Variants in DHPS observed in about 807,000 individuals in gnomAD.
The protein encoded by DHPS is migration-inducing gene 13.
DHPS carries 24 observed loss-of-function variants against 38.7 expected under a neutral mutation model. The ratio of observed to expected loss-of-function variants is 0.62; its 90% CI spans 0.45 to 0.87. DHPS has a LOEUF of 0.87. DHPS is among the 40% of genes least tolerant of loss of function. The pLI is 0.00. For synonymous variants in DHPS, 250 were observed against 204.4 expected, an observed-to-expected ratio of 1.22 and a Z score of -1.90; for missense variants, 510 against 497.6, an observed-to-expected ratio of 1.02 and a Z score of -0.24.
chr19:12,675,369 C>G (rs145837175), downstream of DHPS, among the ~76,000 whole-genome samples: 725 of 152,260 alleles, frequency 4.8e-3, 3 homozygotes, highest in African/African-American at 0.016. Context: ...ATTAATTTTG[C>G]AGTGTCTAGG....
chr19:12,677,844 G>C (rs1311187173), intron 5 of DHPS, among the ~76,000 whole-genome samples: 1 of 151,822 alleles, frequency 6.6e-6, no homozygotes, highest in African/African-American at 2.4e-5. Flanking sequence ...GTTCCACCAT[G>C]TTGGCCAGGC....
chr19:12,676,236 T>C (rs2024583721), intron 7 of DHPS, 94 bp from the exon 8 acceptor site: 1 of 1,418,602 alleles, frequency 7.0e-7, no homozygotes, highest in Admixed American at 2.5e-5. Flanking sequence ...CTGAGAGGTG[T>C]GTCCCAGATG....
At chr19:12,678,675 G>A (rs905325132) in intron 5 of DHPS, among the ~76,000 whole-genome samples, 16 of 150,676 alleles carry the variant, frequency 1.1e-4, no homozygotes, top group African/African-American at 3.7e-4. Flanking sequence ...AGGGTGAGGC[G>A]GGAGAATCAC....
intron 2 of DHPS, 29 bp from the exon 3 acceptor site, chr19:12,679,951 C>A: frequency 6.2e-7 from 1 of 1,600,834 alleles, no homozygotes; most frequent in Non-Finnish European, 8.5e-7. Flanking sequence ...GAATTTGGCC[C>A]AAGAAGGAAG....
In DHPS at chr19:12,675,869, T is replaced by C. The variant is rs1439999534; in HGVS notation, c.1079A>G (p.Asp360Gly). ...CTCGTTCTTCTCATGCATGAAGGCA[T>C]CCATCTTCTGGGCAAAGGTTTCAGC... ...LVAETFAQKMDAFMHEKNED is the reference protein window; with the variant it reads ...LVAETFAQKMGAFMHEKNED The change falls in exon 9 of 9, where the codon GAT becomes GGT. Residue 360 changes from aspartate to glycine, a missense_variant. Transcript: ENST00000210060. 7 of 1,609,342 alleles carry C rather than the reference T, an allele frequency of 4.3e-6. No homozygotes were observed. Among genetic ancestry groups the C allele is most frequent in the East Asian group, 2.2e-5 (1 of 44,844 alleles).
Position 12,680,198 on chromosome 19 carries a change from A to T in DHPS, c.335T>A (p.Ile112Asn), listed in dbSNP as rs2024756104. ...CACAAGGTAGCGAATGGTCTCACGG[A>T]TGCCTGAACTGATGAGGTTGGATGT... ...GYTSNLISSG[I>N]RETIRYLVQH... The change falls in exon 2 of 9, where the codon ATC (isoleucine) becomes AAC (asparagine). Residue 112 changes from isoleucine to asparagine, a missense_variant. Physicochemically the swap from Ile to Asn is moderately radical, Grantham distance 149. Coordinates refer to ENST00000210060, the MANE Select transcript of DHPS (RefSeq NM_001930.4). The T allele has an allele frequency of 1.2e-6, 2 of 1,614,084 alleles. No homozygotes were observed. Among genetic ancestry groups the T allele is most frequent in the Admixed American group, 3.3e-5 (2 of 59,996 alleles).
At position 12,676,028 on chromosome 19, in the gene DHPS, G is replaced by C. The variant is rs1407586355; in HGVS notation, c.1003C>G (p.Gln335Glu). ...VSWGKIRVDA[Q>E]PVKVYADASL... ...CAGCCAGCGCTTACCTTGACGGGCT[G>C]TGCATCCACCCGGATCTTGCCCCAG... Residue 335 changes from glutamine to glutamate, a missense_variant, in exon 8 of 9, where the codon CAG becomes GAG. Physicochemically the swap from Gln to Glu is conservative, Grantham distance 29 (BLOSUM62 2). Transcript: ENST00000210060. 2 of 1,613,836 alleles carry C rather than the reference G, an allele frequency of 1.2e-6. No homozygotes were observed. Among genetic ancestry groups the C allele is most frequent in the Non-Finnish European group, 1.7e-6 (2 of 1,179,916 alleles).
intron 1 of DHPS, chr19:12,681,216 A>T (rs924400180): frequency 8.1e-7 from 1 of 1,234,966 alleles, no homozygotes; most frequent in Non-Finnish European, 1.0e-6. Context: ...TAAATTCAAG[A>T]ACCGCCCAGA....
chr19:12,680,417 C>T, intron 1 of DHPS, 92 bp from the exon 2 acceptor site: 7 of 1,398,492 alleles, frequency 5.0e-6, no homozygotes, highest in Non-Finnish European at 7.0e-6. Flanking sequence ...TCACCCCAGG[C>T]CCTGCACATT....
intron 7 of DHPS, 192 bp from the exon 8 acceptor site, chr19:12,676,334 T>A (rs1386007314): frequency 1.4e-6 from 1 of 717,880 alleles, no homozygotes; most frequent in Non-Finnish European, 2.2e-6. Context: ...GATGGCTGTG[T>A]TTCCCCAGAC....
At chr19:12,673,408 ATCTTT>A, downstream of DHPS, 24 of 266,020 alleles carry the variant, frequency 9.0e-5, no homozygotes, top group East Asian at 2.3e-4. Flanking sequence ...GAAGGCTAGG[ATCTTT>A]TTTTTTTTTT....
At chr19:12,680,981 G>A (rs951123008) in intron 1 of DHPS, 8 of 363,306 alleles carry the variant, frequency 2.2e-5, no homozygotes, top group African/African-American at 6.8e-5. Context: ...CTACAGGCGC[G>A]CAACACCATG....
chr19:12,675,561 G>C (rs763990317), downstream of DHPS: 2 of 1,606,332 alleles, frequency 1.2e-6, no homozygotes, highest in Non-Finnish European at 1.7e-6. Flanking sequence ...GTTCCGGTGT[G>C]GTGCAGTCGC....
downstream of DHPS, chr19:12,672,531 C>G (rs1277872732): frequency 5.6e-6 from 2 of 356,248 alleles, no homozygotes; most frequent in East Asian, 1.2e-4. Context: ...TCTCTTGAAC[C>G]CGGGAGGCAG....
At chr19:12,676,200 G>C (rs2024581708) in intron 7 of DHPS, 58 bp from the exon 8 acceptor site, 2 of 1,060,598 alleles carry the variant, frequency 1.9e-6, no homozygotes, top group African/African-American at 1.9e-5. Flanking sequence ...GACAGACACA[G>C]AGGGAGGACA....
intron 1 of DHPS, among the ~76,000 whole-genome samples, chr19:12,680,744 G>C (rs1400461137): frequency 6.8e-6 from 1 of 147,934 alleles, no homozygotes; most frequent in Non-Finnish European, 1.5e-5. Flanking sequence ...ATGTTGGTCA[G>C]GCTGGTCTCG....
downstream of DHPS, among the ~76,000 whole-genome samples, chr19:12,675,168 T>A (rs1438186297): frequency 6.6e-6 from 1 of 151,964 alleles, no homozygotes; most frequent in East Asian, 1.9e-4. Flanking sequence ...GGCTCACACC[T>A]GTAGTCCTAG....
intron 8 of DHPS, 39 bp from the exon 9 acceptor site, chr19:12,675,972 A>G (rs922845771): frequency 3.7e-6 from 6 of 1,606,214 alleles, no homozygotes; most frequent in Middle Eastern, 1.7e-4. Flanking sequence ...TGGGACCCAC[A>G]CTCATCGTCC....
chr19:12,675,112 C>CAAA (rs370003481), downstream of DHPS, among the ~76,000 whole-genome samples: 206 of 144,850 alleles, frequency 1.4e-3, 2 homozygotes, highest in African/African-American at 5.1e-3. Flanking sequence ...GACTCCATCT[C>CAAA]AAAAAAAAAC....
Sources: gnomAD v4.1 joint callset for allele counts (sites outside exome capture counted in the v4.1 genomes callset) on GRCh38, gnomAD v4.1.1 for gene constraint, MANE v1.5 for transcripts, NCBI Gene and HGNC (gene_info 2026-07-23, HGNC 2026-07-21) for gene names.